The following KCNN3 variants were observed in gnomAD, a reference collection of about 807,000 sequenced individuals.
KCNN3 encodes the protein small conductance calcium-activated potassium channel protein 3.
A neutral mutation model predicts 62.9 loss-of-function variants in KCNN3; 16 were observed. The observed-to-expected ratio is 0.25, with a 90% CI of 0.17 to 0.39. The LOEUF (loss-of-function observed/expected upper bound fraction) is 0.39, where lower values mean the gene tolerates loss of function less well. Ranked by LOEUF, KCNN3 falls within the 10% of genes least tolerant of loss-of-function variation. The pLI is 1.00. For missense variants in KCNN3, 599 were observed against 949.4 expected, an observed-to-expected ratio of 0.63 and a Z score of 4.85; for synonymous variants, 370 against 389.2, an observed-to-expected ratio of 0.95 and a Z score of 0.58.
chr1:154,736,711 CTGGCTGTT>C (rs1209502630), intron 3 of KCNN3, among the ~76,000 whole-genome samples: 12 of 152,192 alleles, frequency 7.9e-5, no homozygotes, highest in Admixed American at 7.9e-4. Context: ...CTCGTGCTCC[CTGGCTGTT>C]TGGCTGCCCT....
Position 154,707,665 on chromosome 1 carries a change from C to T in KCNN3, c.*311G>A, listed in dbSNP as rs893499099. ...TTCAGTGCATCTGACCCCCACCCCC[C>T]GCGTGAAGACCTGAGATTGAGCGTG... On this transcript the variant is annotated 3_prime_UTR_variant, in exon 8 of 8. Transcript: ENST00000271915. The T allele has an allele frequency of 4.7e-5, 14 of 296,444 alleles. No homozygotes were observed. Among genetic ancestry groups the T allele is most frequent in the African/African-American group, 2.0e-4 (9 of 45,490 alleles). 18.4% of individuals were successfully genotyped at this position (296,444 alleles called of 1,614,324 possible).
intron 1 of KCNN3, among the ~76,000 whole-genome samples, chr1:154,825,815 G>T (rs1381818353): frequency 6.6e-6 from 1 of 151,470 alleles, no homozygotes; most frequent in Non-Finnish European, 1.5e-5. Context: ...TTGGGAGGCC[G>T]AGGTGGGCAG....
At chr1:154,718,151 C>G (rs1700268846) in intron 5 of KCNN3, among the ~76,000 whole-genome samples, 1 of 152,070 alleles carries the variant, frequency 6.6e-6, no homozygotes, top group African/African-American at 2.4e-5. Context: ...TCAAGGTTGG[C>G]CACAATCGGA....
chr1:154,716,886 C>T (rs902175442), intron 5 of KCNN3, among the ~76,000 whole-genome samples: 2 of 152,206 alleles, frequency 1.3e-5, no homozygotes, highest in Non-Finnish European at 2.9e-5. Context: ...GCAGAGCACA[C>T]ATTTAATACT....
At position 154,702,799 on chromosome 1, in the gene KCNN3, T is replaced by G. The variant is rs1282355709; in HGVS notation, c.*5177A>C. The G allele has an allele frequency of 6.8e-6, 1 of 146,898 alleles. No homozygotes were observed. The highest frequency in any genetic ancestry group is 1.5e-5 in the Non-Finnish European group (1 of 66,950). 9.1% of individuals were successfully genotyped at this position (146,898 alleles called of 1,614,324 possible). On this transcript the variant is annotated 3_prime_UTR_variant, in exon 8 of 8. Transcript: ENST00000271915. The stretch of plus-strand genomic sequence containing the variant: ...GTCAACATCTCTTTGGGATCCTAAC[T>G]GCAGGTTGGAGTTGAATTTTGTGCT...
intron 4 of KCNN3, among the ~76,000 whole-genome samples, chr1:154,729,296 C>T (rs1700540934): frequency 6.6e-6 from 1 of 152,054 alleles, no homozygotes. Flanking sequence ...AACTGGAGTC[C>T]CTGGATGTGC....
intron 1 of KCNN3, among the ~76,000 whole-genome samples, chr1:154,836,734 G>A (rs1651604901): frequency 6.6e-6 from 1 of 152,244 alleles, no homozygotes; most frequent in Non-Finnish European, 1.5e-5. Flanking sequence ...GTCAGCTAAA[G>A]GGGCTAGGTC....
intron 1 of KCNN3, among the ~76,000 whole-genome samples, chr1:154,844,383 A>G (rs1007561121): frequency 6.6e-6 from 1 of 152,246 alleles, no homozygotes; most frequent in Admixed American, 6.5e-5. Flanking sequence ...AGAGTCAGAC[A>G]GAAATGAAGT....
At chr1:154,717,215 A>G (rs1700250673) in intron 5 of KCNN3, among the ~76,000 whole-genome samples, 1 of 152,160 alleles carries the variant, frequency 6.6e-6, no homozygotes, top group African/African-American at 2.4e-5. Context: ...AGGTGCTAAC[A>G]TTATCCACAT....
chr1:154,859,551 A>G lies in KCNN3; in HGVS notation c.933+9481T>C. The G allele has an allele frequency of 8.5e-6, 7 of 819,748 alleles. 1 individual carries two copies. The South Asian group carries it at 9.5e-5, about 11-fold the overall frequency. The allele number at this position is 819,748 out of a possible 1,614,324, so 50.8% of individuals were successfully genotyped here. ...CGGTGGCAGATGGACCAGAATGAGCAAGGGCAGCCTCTCCCTGCCTCCCTG... is the reference window on the plus strand; with the variant it reads ...CGGTGGCAGATGGACCAGAATGAGCGAGGGCAGCCTCTCCCTGCCTCCCTG... On this transcript the variant is annotated intron_variant, in intron 1 of 7. Transcript: ENST00000271915.
chr1:154,744,307 C>T (rs1700891374), intron 3 of KCNN3, among the ~76,000 whole-genome samples: 1 of 152,238 alleles, frequency 6.6e-6, no homozygotes, highest in South Asian at 2.1e-4. Flanking sequence ...AGAGCTGTTA[C>T]CTGATTTTAC....
intron 2 of KCNN3, among the ~76,000 whole-genome samples, chr1:154,821,717 G>C (rs934826948): frequency 1.3e-5 from 2 of 152,222 alleles, no homozygotes; most frequent in Non-Finnish European, 2.9e-5. Context: ...GGGATGAACT[G>C]AGTGGCCCAA....
intron 2 of KCNN3, among the ~76,000 whole-genome samples, chr1:154,801,992 G>A (rs1000798601): frequency 6.6e-6 from 1 of 152,184 alleles, no homozygotes; most frequent in Non-Finnish European, 1.5e-5. Context: ...TTCTTGATTG[G>A]ACAATTATTA....
At chr1:154,774,102 G>A (rs188978230) in intron 2 of KCNN3, among the ~76,000 whole-genome samples, 43 of 152,310 alleles carry the variant, frequency 2.8e-4, no homozygotes, top group Non-Finnish European at 4.7e-4. Flanking sequence ...TCACTGTGAG[G>A]CTGCAGTGGG....
chr1:154,866,930 C>T (rs1571351633), intron 1 of KCNN3, among the ~76,000 whole-genome samples: 1 of 152,240 alleles, frequency 6.6e-6, no homozygotes, highest in African/African-American at 2.4e-5. Flanking sequence ...GGGCCTGATC[C>T]TGCAGAGTGG....
At chr1:154,714,727 G>A in intron 6 of KCNN3, 149 bp downstream of exon 6, 1 of 1,083,510 alleles carries the variant, frequency 9.2e-7, no homozygotes, top group Non-Finnish European at 1.4e-6. Flanking sequence ...GCATGTGGCT[G>A]GTGCAGTCAG....
At position 154,697,508 on chromosome 1, in the gene KCNN3, A is replaced by C. The variant is rs1193964793; in HGVS notation, c.*10468T>G. On this transcript the variant is annotated 3_prime_UTR_variant, in exon 8 of 8. Coordinates refer to ENST00000271915, the MANE Select transcript of KCNN3 (RefSeq NM_002249.6). ...TCTTCTTGTTTTTATTTAATGCCAT[A>C]ATATTATATTAGCATATGCCGTAAC... is the stretch of plus-strand genomic sequence containing the variant. 1 of 152,146 alleles carries C rather than the reference A, an allele frequency of 6.6e-6. No homozygotes were observed. Among genetic ancestry groups the C allele is most frequent in the Non-Finnish European group, 1.5e-5 (1 of 68,028 alleles). 9.4% of individuals were successfully genotyped at this position (152,146 alleles called of 1,614,324 possible).
intron 3 of KCNN3, among the ~76,000 whole-genome samples, chr1:154,743,473 C>T (rs1017020162): frequency 6.6e-6 from 1 of 152,232 alleles, no homozygotes; most frequent in Non-Finnish European, 1.5e-5. Context: ...GGCCCTGCCA[C>T]CTGGGGTTTC....
chr1:154,719,808 C>T (rs1413842304), intron 5 of KCNN3, among the ~76,000 whole-genome samples: 1 of 152,118 alleles, frequency 6.6e-6, no homozygotes, highest in Non-Finnish European at 1.5e-5. Flanking sequence ...CTGCTTGCAC[C>T]TCCTCTTTTT....
Sources: allele counts gnomAD v4.1 joint callset (sites outside exome capture counted in the v4.1 genomes callset), GRCh38; gene constraint gnomAD v4.1.1; transcripts MANE v1.5; gene names NCBI Gene and HGNC (gene_info 2026-07-23, HGNC 2026-07-21).